Variants in TAPT1 observed in about 807,000 individuals in gnomAD.
TAPT1 encodes transmembrane anterior posterior transformation protein 1 homolog.
In TAPT1, 28 loss-of-function variants were observed where a neutral mutation model predicts 65.6. The ratio of observed to expected loss-of-function variants is 0.43; its 90% CI spans 0.32 to 0.59. The LOEUF (loss-of-function observed/expected upper bound fraction) is 0.59, where lower values mean the gene tolerates loss of function less well. TAPT1 is among the 20% of genes least tolerant of loss of function. The pLI is 0.09. For synonymous variants in TAPT1, 278 were observed against 245.2 expected, an observed-to-expected ratio of 1.13 and a Z score of -1.25; for missense variants, 563 against 679.9, an observed-to-expected ratio of 0.83 and a Z score of 1.91.
chr4:16,221,618 G>C (rs144806058), intron 1 of TAPT1, among the ~76,000 whole-genome samples: 2 of 152,260 alleles, frequency 1.3e-5, no homozygotes, highest in African/African-American at 4.8e-5. Context: ...TTAATTAAAA[G>C]TAATGAGTAA....
intron 7 of TAPT1, among the ~76,000 whole-genome samples, chr4:16,185,698 G>C (rs746469569): frequency 2.2e-4 from 33 of 152,044 alleles, no homozygotes; most frequent in Non-Finnish European, 3.2e-4. Flanking sequence ...GTGTGTAAAA[G>C]GGTTCTCAGG....
At chr4:16,183,077 T>TA (rs1748806343) in intron 7 of TAPT1, 1 of 152,226 alleles carries the variant, frequency 6.6e-6, no homozygotes, top group Non-Finnish European at 1.5e-5. Context: ...TAGCTACTAC[T>TA]GAAGCATATG....
At chr4:16,225,812 AG>A (rs1751515426) in intron 1 of TAPT1, 1 of 878,590 alleles carries the variant, frequency 1.1e-6, no homozygotes, top group Non-Finnish European at 1.4e-6. Context: ...ATCTACTTGC[AG>A]GGCAAGTTAA....
Position 16,174,244 on chromosome 4 carries a change from G to T in TAPT1, c.1196C>A (p.Ala399Glu). 1 of 1,607,992 alleles carries T rather than the reference G, an allele frequency of 6.2e-7. No individual in the cohort carries two copies. ...GAGAGGAATAAAGCCCATCCTCCGTGCTACAGAGTCACTGTAATCAGTGTA... is the reference window on the plus strand; with the variant it reads ...GAGAGGAATAAAGCCCATCCTCCGTTCTACAGAGTCACTGTAATCAGTGTA... ...NAYTDYSDSV[A>E]RRMGFIPLPL... Residue 399 changes from alanine (A) to glutamate (E), a missense_variant, in exon 11 of 14, where the codon GCA becomes GAA. Physicochemically the swap from Ala to Glu is moderately radical, Grantham distance 107 (BLOSUM62 -1). Coordinates refer to ENST00000405303, the MANE Select transcript of TAPT1 (RefSeq NM_153365.3).
intron 2 of TAPT1, among the ~76,000 whole-genome samples, chr4:16,206,659 A>G (rs1430711220): frequency 3.3e-5 from 5 of 152,156 alleles, no homozygotes; most frequent in Non-Finnish European, 7.4e-5. Flanking sequence ...CAGAGAGGAC[A>G]GTACGGAAGG....
intron 13 of TAPT1, among the ~76,000 whole-genome samples, chr4:16,165,569 CAAAA>C (rs75616266): frequency 1.1e-5 from 1 of 92,364 alleles, no homozygotes. Context: ...AACTCCGTCT[CAAAA>C]AAAAAAAAAA....
intron 1 of TAPT1, among the ~76,000 whole-genome samples, chr4:16,223,373 T>G (rs1751369041): frequency 6.6e-6 from 1 of 152,050 alleles, no homozygotes; most frequent in African/African-American, 2.4e-5. Flanking sequence ...ACAACAGAAG[T>G]TGGTAGTATT....
chr4:16,204,210 C>T (rs1346746935), intron 2 of TAPT1, among the ~76,000 whole-genome samples: 1 of 152,160 alleles, frequency 6.6e-6, no homozygotes, highest in African/African-American at 2.4e-5. Context: ...CGTTTGTGAT[C>T]CACTAAAAAG....
intron 5 of TAPT1, among the ~76,000 whole-genome samples, chr4:16,187,453 A>G (rs192722870): frequency 2.0e-5 from 3 of 152,332 alleles, no homozygotes; most frequent in Non-Finnish European, 4.4e-5. Context: ...TATTACATAC[A>G]GAATAGTTAA....
intron 1 of TAPT1, among the ~76,000 whole-genome samples, chr4:16,218,727 C>T (rs1356896692): frequency 6.6e-6 from 1 of 152,200 alleles, no homozygotes; most frequent in East Asian, 1.9e-4. Context: ...AACTGCAAAG[C>T]ATGACGCAGT....
chr4:16,170,493 TCTAA>T lies in TAPT1; in HGVS notation c.1313+156_1313+159del, dbSNP rs373597873. 8.3e-4 allele frequency among the ~76,000 whole-genome samples: 127 copies of T among 152,372 alleles called. 2 individuals carry two copies. The highest frequency in any genetic ancestry group is 3.0e-3 in the African/African-American group (123 of 41,588). On this transcript the variant is annotated intron_variant, in intron 12 of 13. Coordinates refer to ENST00000405303, the MANE Select transcript of TAPT1 (RefSeq NM_153365.3). ...TACTACCAAATAGCAGCGTAGTTAA[TCTAA>T]CTGAGTCACAAATAAATACACTTGG... is the stretch of plus-strand genomic sequence containing the variant.
intron 11 of TAPT1, among the ~76,000 whole-genome samples, chr4:16,172,894 G>A (rs184793983): frequency 2.0e-5 from 3 of 151,914 alleles, no homozygotes; most frequent in African/African-American, 2.4e-5. Context: ...ACGCGATCTC[G>A]GCTTACTGCA....
At chr4:16,191,242 G>C in intron 4 of TAPT1, 119 bp downstream of exon 4, 1 of 1,059,336 alleles carries the variant, frequency 9.4e-7, no homozygotes, top group Non-Finnish European at 1.3e-6. Context: ...GCACAGTAAA[G>C]GCCAGAAGCA....
intron 2 of TAPT1, among the ~76,000 whole-genome samples, chr4:16,210,853 G>A (rs1750609480): frequency 6.6e-6 from 1 of 152,132 alleles, no homozygotes; most frequent in Non-Finnish European, 1.5e-5. Context: ...TGGTGGAAGA[G>A]AAGAAATGTC....
rs1401001498 is a variant in TAPT1, at chr4:16,161,281, T to C, written c.*2027A>G. 1 of 152,636 alleles carries C rather than the reference T, an allele frequency of 6.6e-6. No individual in the cohort carries two copies. The highest frequency in any genetic ancestry group is 2.4e-5 in the African/African-American group (1 of 41,456). The allele number at this position is 152,636 out of a possible 1,614,324, so 9.5% of individuals were successfully genotyped here. On this transcript the variant is annotated 3_prime_UTR_variant, in exon 14 of 14. Coordinates refer to ENST00000405303, the MANE Select transcript of TAPT1 (RefSeq NM_153365.3). ...ATACAATAGTAAATATTAAAATAAA[T>C]TCAGTGACCTTTTTAAAAAAGATTA...
At chr4:16,179,031 C>G (rs1482669661) in intron 8 of TAPT1, 1 of 152,416 alleles carries the variant, frequency 6.6e-6, no homozygotes, top group Non-Finnish European at 1.5e-5. Context: ...AAAATGACAG[C>G]ATCCCACTAC....
chr4:16,193,283 A>G (rs977436660), intron 3 of TAPT1, among the ~76,000 whole-genome samples: 3 of 152,234 alleles, frequency 2.0e-5, no homozygotes, highest in Non-Finnish European at 4.4e-5. Flanking sequence ...GTCAGATCAC[A>G]TGACTTAAGA....
chr4:16,170,755 A>G (rs1456468198), intron 11 of TAPT1, 26 bp from the exon 12 acceptor site: 13 of 1,559,608 alleles, frequency 8.3e-6, no homozygotes, highest in Non-Finnish European at 1.1e-5. Flanking sequence ...CCAAAACAAC[A>G]AAAACACACA....
In TAPT1 at chr4:16,162,862, T is replaced by C. The variant is rs1747344157; in HGVS notation, c.*446A>G. The C allele has an allele frequency of 2.8e-6, 1 of 358,682 alleles. No individual in the cohort carries two copies. Among genetic ancestry groups the C allele is most frequent in the Non-Finnish European group, 5.8e-6 (1 of 173,374 alleles). 22.2% of individuals were successfully genotyped at this position (358,682 alleles called of 1,614,324 possible). On this transcript the variant is annotated 3_prime_UTR_variant, in exon 14 of 14. Transcript: ENST00000405303. ...TTTTTTAATGCTTTGGCAGATGAAG[T>C]AACGTTTGAAAACTGTTTGTGAAAA...
Sources: gnomAD v4.1 joint callset for allele counts (sites outside exome capture counted in the v4.1 genomes callset) on GRCh38, gnomAD v4.1.1 for gene constraint, MANE v1.5 for transcripts, NCBI Gene and HGNC (gene_info 2026-07-23, HGNC 2026-07-21) for gene names.